KATNAL1: variants seen among roughly 807,000 people sequenced by gnomAD.
KATNAL1 encodes katanin p60 ATPase-containing subunit A-like 1.
KATNAL1 carries 32 observed loss-of-function variants against 55.2 expected under a neutral mutation model. The ratio of observed to expected loss-of-function variants is 0.58; its 90% CI spans 0.44 to 0.78. The LOEUF is 0.78. Among genes scored for constraint, KATNAL1 ranks in the 30% least tolerant of loss-of-function variants. The probability of loss-of-function intolerance (pLI) is 0.00; values close to 1 mark genes in which losing one functional copy is unlikely to be tolerated. For synonymous variants in KATNAL1, 193 were observed against 193.6 expected, an observed-to-expected ratio of 1.00 and a Z score of 0.02; for missense variants, 466 against 600.9, an observed-to-expected ratio of 0.78 and a Z score of 2.35.
At chr13:30,240,382 A>G in intron 6 of KATNAL1, 78 bp downstream of exon 6, 2 of 1,021,710 alleles carry the variant, frequency 2.0e-6, no homozygotes, top group South Asian at 2.7e-5. Context: ...TAAATACATC[A>G]AAAACTACAG....
At chr13:30,218,112 G>A (rs936915063) in intron 9 of KATNAL1, among the ~76,000 whole-genome samples, 1 of 151,668 alleles carries the variant, frequency 6.6e-6, no homozygotes, top group Non-Finnish European at 1.5e-5. Flanking sequence ...CAGCAGAATG[G>A]GGGAAAAAGG....
chr13:30,235,240 G>C (rs1339957289), intron 6 of KATNAL1, among the ~76,000 whole-genome samples: 1 of 152,228 alleles, frequency 6.6e-6, no homozygotes, highest in East Asian at 1.9e-4. Flanking sequence ...GGCTGTACGG[G>C]AAGCATGGTG....
intron 4 of KATNAL1, 86 bp from the exon 5 acceptor site, chr13:30,241,172 T>C (rs2137425298): frequency 8.7e-7 from 1 of 1,151,266 alleles, no homozygotes. Context: ...TATAATGCCA[T>C]CACTTTCTAA....
rs202087 is a variant in KATNAL1, at chr13:30,231,490, A to T, written c.727-18T>A. The T allele has an allele frequency of 4.1e-5, 61 of 1,475,688 alleles. No homozygotes were observed. Among genetic ancestry groups the T allele is most frequent in the Non-Finnish European group, 5.2e-5 (58 of 1,107,208 alleles). 91.4% of individuals were successfully genotyped at this position (1,475,688 alleles called of 1,614,324 possible). A position where few individuals can be genotyped will look rare whatever the true frequency, so the allele number is the denominator to read the frequency against. On this transcript the variant is annotated intron_variant, in intron 6 of 10. Transcript: ENST00000380615. ...AGTACACCCTGAAATTTCAAAAGAC[A>T]AATTAAATGATTTATCAGATTAAAA... is the stretch of plus-strand genomic sequence containing the variant.
At chr13:30,265,016 A>G (rs1333597625) in intron 3 of KATNAL1, among the ~76,000 whole-genome samples, 127 of 150,696 alleles carry the variant, frequency 8.4e-4, no homozygotes, top group Non-Finnish European at 1.5e-3. Flanking sequence ...AATGTGGCAC[A>G]TATACACCAT....
At chr13:30,270,086 C>A (rs1292223277) in intron 3 of KATNAL1, among the ~76,000 whole-genome samples, 1 of 136,768 alleles carries the variant, frequency 7.3e-6, no homozygotes, top group African/African-American at 2.6e-5. Flanking sequence ...GGGGGTCAGC[C>A]CCCCGCCCGG....
rs1236671132 is a variant in KATNAL1, at chr13:30,206,397, G to C, written c.*2143C>G. 1 of 152,052 alleles carries C rather than the reference G, an allele frequency of 6.6e-6. No individual in the cohort carries two copies. Among genetic ancestry groups the C allele is most frequent in the Admixed American group, 6.6e-5 (1 of 15,266 alleles). 9.4% of individuals were successfully genotyped at this position (152,052 alleles called of 1,614,324 possible). On this transcript the variant is annotated 3_prime_UTR_variant, in exon 11 of 11. Coordinates refer to ENST00000380615, the MANE Select transcript of KATNAL1 (RefSeq NM_032116.5). Reference sequence around the variant, plus strand: ...ACAAAGCATCTACCATCCACTGACAGGGCAAAATGAGAAACAAGGGAAATA... The same window carrying C: ...ACAAAGCATCTACCATCCACTGACACGGCAAAATGAGAAACAAGGGAAATA...
chr13:30,260,661 A>G (rs61946952), intron 3 of KATNAL1, among the ~76,000 whole-genome samples: 19,686 of 151,962 alleles, frequency 0.13, 1,651 homozygotes, highest in Non-Finnish European at 0.18. Flanking sequence ...GAGAAGGGAA[A>G]TTTAGAGAAA....
intron 9 of KATNAL1, among the ~76,000 whole-genome samples, chr13:30,224,419 C>CCTGTGTTGTACTCAG: frequency 6.6e-6 from 1 of 151,632 alleles, no homozygotes; most frequent in East Asian, 1.9e-4. Flanking sequence ...TGTTTGTAGT[C>CCTGTGTTGTACTCAG]CCTACTCAAG....
At chr13:30,264,430 T>A (rs1226623127) in intron 3 of KATNAL1, among the ~76,000 whole-genome samples, 7 of 140,966 alleles carry the variant, frequency 5.0e-5, no homozygotes, top group Admixed American at 2.2e-4. Context: ...ACCATCAGAG[T>A]GAACAGGCAA....
Position 30,255,472 on chromosome 13 carries a change from T to G in KATNAL1, c.467A>C (p.Tyr156Ser), listed in dbSNP as rs377222240. ...EKPSTSRDKD[Y>S]RARGRDDKGR... The stretch of plus-strand genomic sequence containing the variant: ...CTTGTCATCTCTCCCTCTTGCTCTA[T>G]AGTCCTTGTCCCTACTTGTAGAAGG... Residue 156 changes from tyrosine (Y) to serine (S), a missense_variant, in exon 4 of 11, where the codon TAT becomes TCT. Physicochemically the swap from Tyr to Ser is moderately radical, Grantham distance 144 (BLOSUM62 -2). Coordinates refer to ENST00000380615, the MANE Select transcript of KATNAL1 (RefSeq NM_032116.5). 1.9e-6 allele frequency: 3 copies of G among 1,586,192 alleles called. No individual in the cohort carries two copies. The Admixed American group carries it at 5.2e-5, about 28-fold the overall frequency.
intron 1 of KATNAL1, among the ~76,000 whole-genome samples, chr13:30,285,892 A>C (rs997101494): frequency 6.6e-6 from 1 of 152,228 alleles, no homozygotes; most frequent in South Asian, 2.1e-4. Flanking sequence ...AGAGACTGGC[A>C]GCATTTTGTC....
chr13:30,243,933 CTTTT>C (rs1222096075), intron 4 of KATNAL1, among the ~76,000 whole-genome samples: 1 of 151,924 alleles, frequency 6.6e-6, no homozygotes, highest in South Asian at 2.1e-4. Context: ...CATTATTTTT[CTTTT>C]TTTTAAATTA....
At chr13:30,253,498 C>A (rs957794816) in intron 4 of KATNAL1, among the ~76,000 whole-genome samples, 1 of 151,850 alleles carries the variant, frequency 6.6e-6, no homozygotes, top group Non-Finnish European at 1.5e-5. Context: ...AACGCCTCCA[C>A]TAAAAATACA....
intron 1 of KATNAL1, among the ~76,000 whole-genome samples, chr13:30,300,549 C>T (rs1047054436): frequency 6.6e-6 from 1 of 151,938 alleles, no homozygotes; most frequent in Non-Finnish European, 1.5e-5. Flanking sequence ...TCCAAATCAC[C>T]GAAGTCCAGT....
intron 3 of KATNAL1, among the ~76,000 whole-genome samples, chr13:30,269,448 T>C (rs2137500095): frequency 6.6e-6 from 1 of 152,330 alleles, no homozygotes; most frequent in Non-Finnish European, 1.5e-5. Context: ...CCGCCTGCCT[T>C]GGCCACCCAA....
chr13:30,210,961 T>G (rs1223689784), intron 9 of KATNAL1, among the ~76,000 whole-genome samples: 2 of 152,176 alleles, frequency 1.3e-5, no homozygotes, highest in African/African-American at 4.8e-5. Flanking sequence ...ATTAATGTAT[T>G]TTTTACTTGG....
At position 30,208,414 on chromosome 13, in the gene KATNAL1, AT is replaced by A. The variant is rs1240364306; in HGVS notation, c.*125del. 2.8e-4 allele frequency: 206 copies of A among 723,106 alleles called. No homozygotes were observed. Among genetic ancestry groups the A allele is most frequent in the Middle Eastern group, 4.0e-4 (1 of 2,528 alleles). The allele number at this position is 723,106 out of a possible 1,614,324, so 44.8% of individuals were successfully genotyped here. On this transcript the variant is annotated 3_prime_UTR_variant, in exon 11 of 11. Transcript: ENST00000380615. Reference sequence around the variant, plus strand: ...CATTTAGTATTCTTCGCAGTTTTAGATTTTTTTTTCCTTTAAGCGAAAACCA... The same window carrying A: ...CATTTAGTATTCTTCGCAGTTTTAGATTTTTTTTCCTTTAAGCGAAAACCA...
chr13:30,217,428 T>C (rs1429789913), intron 9 of KATNAL1, among the ~76,000 whole-genome samples: 3 of 152,204 alleles, frequency 2.0e-5, no homozygotes, highest in African/African-American at 4.8e-5. Context: ...CACTCCAGCC[T>C]GGGCAACAGA....
Sources: allele counts gnomAD v4.1 joint callset (sites outside exome capture counted in the v4.1 genomes callset), GRCh38; gene constraint gnomAD v4.1.1; transcripts MANE v1.5; gene names NCBI Gene and HGNC (gene_info 2026-07-23, HGNC 2026-07-21).